The following FGF12 variants were observed in gnomAD, a reference collection of about 807,000 sequenced individuals.
The protein encoded by FGF12 is fibroblast growth factor 12, also known as fibroblast growth factor 12B.
In FGF12, 14 loss-of-function variants were observed where a neutral mutation model predicts 23.6. The observed-to-expected ratio is 0.59, with a 90% confidence interval of 0.39 to 0.93. The LOEUF is 0.93. Among genes scored for constraint, FGF12 ranks in the 40% least tolerant of loss-of-function variants. The probability of loss-of-function intolerance (pLI) is 0.00; values close to 1 mark genes in which losing one functional copy is unlikely to be tolerated. For synonymous variants in FGF12, 62 were observed against 77.3 expected (o/e 0.80, Z 1.04); for missense variants, 175 against 217.8 (o/e 0.80, Z 1.24).
intron 2 of FGF12, among the ~76,000 whole-genome samples, chr3:192,605,874 T>A (rs13092553): frequency 0.15 from 23,130 of 152,110 alleles, 1,789 homozygotes; most frequent in Middle Eastern, 0.19. Context: ...ACACAATAGA[T>A]GTTGGTGAGC....
rs928018853 is a variant in FGF12, at chr3:192,724,181, A to G, written c.13+3000T>C. The stretch of plus-strand genomic sequence containing the variant: ...TCACTCCAAATCATGCTTCTCAAAC[A>G]TTAATGTGCATACAAATTGCCTAGG... On this transcript the variant is annotated intron_variant, in intron 2 of 5. Transcript: ENST00000445105. Among the ~76,000 whole-genome samples, 16 of 152,290 alleles carry G rather than the reference A, an allele frequency of 1.1e-4. No individual in the cohort carries two copies. The South Asian group carries it at 1.4e-3, about 14-fold the overall frequency.
Position 192,539,768 on chromosome 3 carries a change from C to G in FGF12, c.14-179230G>C, listed in dbSNP as rs148460676. On this transcript the variant is annotated intron_variant, in intron 2 of 5. Coordinates refer to ENST00000445105, the MANE Select transcript of FGF12 (RefSeq NM_004113.6). ...TGTTTGGTAAAATTCACCATTGAAG[C>G]CATCAGGTTCCAGGCTTTTCGTTGC... Among the ~76,000 whole-genome samples, 469 of 152,098 alleles carry G rather than the reference C, an allele frequency of 3.1e-3. 2 individuals carry two copies. The highest frequency in any genetic ancestry group is 0.011 in the African/African-American group (454 of 41,536).
At chr3:192,575,496 A>G (rs1478815412) in intron 2 of FGF12, among the ~76,000 whole-genome samples, 2 of 152,300 alleles carry the variant, frequency 1.3e-5, no homozygotes, top group Non-Finnish European at 2.9e-5. Flanking sequence ...AACATGGAGG[A>G]GGAAGAGGAG....
chr3:192,631,637 A>C (rs1268381709), intron 2 of FGF12, among the ~76,000 whole-genome samples: 1 of 152,174 alleles, frequency 6.6e-6, no homozygotes. Flanking sequence ...CACTTCACAC[A>C]CTGTGATTTA....
At chr3:192,396,510 C>A (rs926549330) in intron 2 of FGF12, among the ~76,000 whole-genome samples, 1 of 152,210 alleles carries the variant, frequency 6.6e-6, no homozygotes, top group Non-Finnish European at 1.5e-5. Flanking sequence ...AAATTTCAGT[C>A]CTTGCTCTGC....
chr3:192,240,259 T>C (rs1438230297), intron 4 of FGF12, among the ~76,000 whole-genome samples: 1 of 152,186 alleles, frequency 6.6e-6, no homozygotes, highest in Non-Finnish European at 1.5e-5. Flanking sequence ...GAGAGCTTTC[T>C]GGATTTTTCC....
chr3:192,321,415 CA>C (rs1208512648), intron 4 of FGF12, among the ~76,000 whole-genome samples: 6 of 141,152 alleles, frequency 4.3e-5, no homozygotes, highest in African/African-American at 1.3e-4. Flanking sequence ...GTAACAATTT[CA>C]AAAAATAGAA....
intron 2 of FGF12, among the ~76,000 whole-genome samples, chr3:192,582,374 G>T (rs1212210458): frequency 6.6e-6 from 1 of 152,098 alleles, no homozygotes; most frequent in Non-Finnish European, 1.5e-5. Flanking sequence ...GTTAGAGTTT[G>T]TATCTTTATC....
At chr3:192,206,553 T>G (rs1717657726) in intron 4 of FGF12, among the ~76,000 whole-genome samples, 1 of 152,230 alleles carries the variant, frequency 6.6e-6, no homozygotes, top group Non-Finnish European at 1.5e-5. Flanking sequence ...CACTTCTGTG[T>G]TTTTGGTTTT....
intron 2 of FGF12, among the ~76,000 whole-genome samples, chr3:192,671,413 C>A (rs1011682618): frequency 1.1e-4 from 17 of 152,118 alleles, no homozygotes; most frequent in African/African-American, 3.1e-4. Flanking sequence ...TTATTAAAGA[C>A]AAAATATTTG....
At chr3:192,519,242 A>C (rs1724754473) in intron 2 of FGF12, among the ~76,000 whole-genome samples, 1 of 152,160 alleles carries the variant, frequency 6.6e-6, no homozygotes. Flanking sequence ...TTGTCATGTC[A>C]CTTGAATCTC....
At chr3:192,199,530 T>C (rs1244447362) in intron 4 of FGF12, among the ~76,000 whole-genome samples, 1 of 152,200 alleles carries the variant, frequency 6.6e-6, no homozygotes, top group African/African-American at 2.4e-5. Flanking sequence ...AATGTATATG[T>C]GGCCTTCTTT....
chr3:192,427,932 G>C (rs1272595332), intron 2 of FGF12, among the ~76,000 whole-genome samples: 1 of 152,180 alleles, frequency 6.6e-6, no homozygotes, highest in Admixed American at 6.5e-5. Flanking sequence ...TGTTTGCTTA[G>C]ATCAGAGTGC....
chr3:192,655,070 C>A (rs1024267388), intron 2 of FGF12, among the ~76,000 whole-genome samples: 13 of 152,062 alleles, frequency 8.5e-5, no homozygotes, highest in Admixed American at 8.5e-4. Flanking sequence ...GTAAATTTTG[C>A]TGTATAGATT....
chr3:192,580,320 T>C (rs1713080811), intron 2 of FGF12, among the ~76,000 whole-genome samples: 1 of 69,528 alleles, frequency 1.4e-5, no homozygotes, highest in Admixed American at 1.3e-4. Flanking sequence ...AACATTTCTA[T>C]TTTTTTTTTT....
chr3:192,536,788 C>A (rs1400672104), intron 2 of FGF12, among the ~76,000 whole-genome samples: 1 of 151,872 alleles, frequency 6.6e-6, no homozygotes, highest in East Asian at 1.9e-4. Context: ...AGGCATTTAT[C>A]CTTTCTTTTT....
At chr3:192,622,783 CACTT>C (rs1220343082) in intron 2 of FGF12, among the ~76,000 whole-genome samples, 2 of 152,150 alleles carry the variant, frequency 1.3e-5, no homozygotes, top group Admixed American at 6.6e-5. Context: ...AATGCACACA[CACTT>C]ACACACAGAC....
chr3:192,692,088 A>G (rs1717960209), intron 2 of FGF12, among the ~76,000 whole-genome samples: 1 of 152,156 alleles, frequency 6.6e-6, no homozygotes, highest in African/African-American at 2.4e-5. Context: ...CCAGACATTT[A>G]AGGAATAATT....
At chr3:192,683,627 A>T (rs192733126) in intron 2 of FGF12, among the ~76,000 whole-genome samples, 1 of 152,198 alleles carries the variant, frequency 6.6e-6, no homozygotes, top group African/African-American at 2.4e-5. Context: ...TACAAAGTTT[A>T]AAAAAAAATT....
Sources: gnomAD v4.1 joint callset for allele counts (sites outside exome capture counted in the v4.1 genomes callset) on GRCh38, gnomAD v4.1.1 for gene constraint, MANE v1.5 for transcripts, NCBI Gene and HGNC (gene_info 2026-07-23, HGNC 2026-07-21) for gene names.